NLRC3: variants seen among roughly 807,000 people sequenced by gnomAD.
The protein encoded by NLRC3 is NLR family CARD domain containing 3.
In NLRC3, 87 loss-of-function variants were observed where a neutral mutation model predicts 91.6. The observed-to-expected ratio is 0.95, with a 90% CI of 0.80 to 1.14. The LOEUF (loss-of-function observed/expected upper bound fraction) is 1.14, where lower values mean the gene tolerates loss of function less well. Ranked by LOEUF, NLRC3 falls within the 50% of genes most tolerant of loss-of-function variation. The pLI is 0.00. For synonymous variants in NLRC3, 694 were observed against 625.3 expected, an observed-to-expected ratio of 1.11 and a Z score of -1.64; for missense variants, 1,577 against 1,418.6, an observed-to-expected ratio of 1.11 and a Z score of -1.79.
intron 1 of NLRC3, among the ~76,000 whole-genome samples, chr16:3,570,306 G>A (rs2040054411): frequency 6.6e-6 from 1 of 152,104 alleles, no homozygotes; most frequent in African/African-American, 2.4e-5. Flanking sequence ...TGTTAAATTA[G>A]CAAATTACTT....
At chr16:3,557,034 C>G in intron 7 of NLRC3, 40 bp from the exon 8 acceptor site, 1 of 1,396,264 alleles carries the variant, frequency 7.2e-7, no homozygotes, top group South Asian at 1.2e-5. Flanking sequence ...TCATCTGTCT[C>G]CCAGAGAGGG....
Position 3,548,170 on chromosome 16 carries a change from T to C in NLRC3, c.2736A>G (p.Gln912=). The part of the protein sequence containing the change: ...IQAGAAQALG[Q]ALQLNRSLTS... ...TGAGGCTCCTGTTGAGCTGTAGTGC[T>C]TGTCCCAGGGCCTGGGCAGCGCCGG... Residue 912 remains glutamine, a synonymous_variant, in exon 15 of 20, where the codon CAA becomes CAG. Coordinates refer to ENST00000359128, the MANE Select transcript of NLRC3 (RefSeq NM_178844.4). 2 of 1,595,794 alleles carry C rather than the reference T, an allele frequency of 1.3e-6. No individual in the cohort carries two copies. The highest frequency in any genetic ancestry group is 1.7e-6 in the Non-Finnish European group (2 of 1,171,200).
intron 1 of NLRC3, among the ~76,000 whole-genome samples, chr16:3,570,226 C>T (rs1368440907): frequency 6.6e-6 from 1 of 152,126 alleles, no homozygotes; most frequent in African/African-American, 2.4e-5. Flanking sequence ...CCACCTCAGC[C>T]TCCCAAAGTG....
chr16:3,549,277 G>A lies in NLRC3; in HGVS notation c.2520-52C>T, dbSNP rs576991852. On this transcript the variant is annotated intron_variant, in intron 12 of 19. Coordinates refer to ENST00000359128, the MANE Select transcript of NLRC3 (RefSeq NM_178844.4). ...TCTGACCGGGCAGATGAGGTGTCTGGCAAAGCCAAGCCCAGGTGTTTAGGC... is the reference window on the plus strand; with the variant it reads ...TCTGACCGGGCAGATGAGGTGTCTGACAAAGCCAAGCCCAGGTGTTTAGGC... 3.0e-6 allele frequency: 4 copies of A among 1,319,480 alleles called. No individual in the cohort carries two copies. In the South Asian group the frequency reaches 3.8e-5, roughly 12 times the overall value. 81.7% of individuals were successfully genotyped at this position (1,319,480 alleles called of 1,614,324 possible). A position where few individuals can be genotyped will look rare whatever the true frequency, so the allele number is the denominator to read the frequency against.
intron 14 of NLRC3, 93 bp from the exon 15 acceptor site, chr16:3,548,311 C>A: frequency 1.0e-6 from 1 of 974,890 alleles, no homozygotes; most frequent in Middle Eastern, 2.0e-4. Flanking sequence ...GAGGTGGAAT[C>A]CCTGCAGGAT....
Position 3,563,678 on chromosome 16 carries a change from A to C in NLRC3, c.1259T>G (p.Met420Arg). The part of the protein sequence containing the change: ...KKKYVFYEQD[M>R]KAFGVDLALL... ...AGCGAGGTCTACACCAAACGCCTTC[A>C]TGTCTTGCTCGTAAAACACGTATTT... is the stretch of plus-strand genomic sequence containing the variant. The change falls in exon 5 of 20, where the codon ATG becomes AGG. Residue 420 changes from methionine to arginine, a missense_variant. Coordinates refer to ENST00000359128, the MANE Select transcript of NLRC3 (RefSeq NM_178844.4). 1 of 1,613,776 alleles carries C rather than the reference A, an allele frequency of 6.2e-7. No homozygotes were observed. Among genetic ancestry groups the C allele is most frequent in the Non-Finnish European group, 8.5e-7 (1 of 1,179,886 alleles).
chr16:3,571,151 T>C (rs769075998), intron 1 of NLRC3, among the ~76,000 whole-genome samples: 4 of 152,096 alleles, frequency 2.6e-5, no homozygotes, highest in African/African-American at 9.7e-5. Flanking sequence ...GAAAATGGCA[T>C]TGGGGCAATT....
In NLRC3 at chr16:3,539,601, T is replaced by C. The variant is rs1244626830; in HGVS notation, c.*2224A>G. Reference sequence around the variant, plus strand: ...GCAACTCTGTGTTCTGCCAGTCTCTTAACTCAGACAGAAACAATGCAAACC... The same window carrying C: ...GCAACTCTGTGTTCTGCCAGTCTCTCAACTCAGACAGAAACAATGCAAACC... On this transcript the variant is annotated 3_prime_UTR_variant, in exon 20 of 20. Coordinates refer to ENST00000359128, the MANE Select transcript of NLRC3 (RefSeq NM_178844.4). 6.6e-6 allele frequency: 1 copy of C among 152,230 alleles called. No homozygotes were observed. Among genetic ancestry groups the C allele is most frequent in the Admixed American group, 6.5e-5 (1 of 15,282 alleles). 9.4% of individuals were successfully genotyped at this position (152,230 alleles called of 1,614,324 possible).
Position 3,563,182 on chromosome 16 carries a change from C to T in NLRC3, c.1755G>A (p.Glu585=), listed in dbSNP as rs773549193. 24 of 1,593,382 alleles carry T rather than the reference C, an allele frequency of 1.5e-5. No homozygotes were observed. Among genetic ancestry groups the T allele is most frequent in the East Asian group, 4.5e-5 (2 of 44,094 alleles). The change falls in exon 5 of 20, where the codon GAG becomes GAA. Residue 585 remains glutamate, a synonymous_variant. Coordinates refer to ENST00000359128, the MANE Select transcript of NLRC3 (RefSeq NM_178844.4). The stretch of plus-strand genomic sequence containing the variant: ...TGGCCAGGGCCCCGCTCTCCATGGC[C>T]TCCTCCACGCTGCGGGCCAGCTCGG... ...QHTELARSVE[E]AMESGALARL... is the part of the protein sequence containing the mutation.
intron 6 of NLRC3, among the ~76,000 whole-genome samples, chr16:3,558,534 T>A (rs1305488294): frequency 6.6e-6 from 1 of 151,528 alleles, no homozygotes; most frequent in Non-Finnish European, 1.5e-5. Context: ...TAGTGCAAAA[T>A]GGCAAATGGT....
In NLRC3 at chr16:3,542,207, T is replaced by C. The variant is rs1229092805; in HGVS notation, c.3091A>G (p.Arg1031Gly). 3.2e-6 allele frequency: 5 copies of C among 1,587,142 alleles called. No individual in the cohort carries two copies. In the East Asian group the frequency reaches 1.1e-4, roughly 36 times the overall value. ...TGCACTCACTTGATATGCTGGAGCC[T>C]GTGGTTTCCAGACAGTGCTGTGGCA... The part of the protein sequence containing the change: ...CIATALSGNH[R>G]LQHINLQGNH... Residue 1031 changes from arginine (R) to glycine (G), a missense_variant, in exon 19 of 20, where the codon AGG becomes GGG. By Grantham distance (125) the Arg-to-Gly change is moderately radical. Transcript: ENST00000359128.
intron 8 of NLRC3, chr16:3,556,010 A>G (rs1166651973): frequency 6.6e-6 from 1 of 150,902 alleles, no homozygotes; most frequent in Non-Finnish European, 1.5e-5. Flanking sequence ...TCAGCTAAGT[A>G]TAGATATAAC....
rs755961671 is a variant in NLRC3, at chr16:3,550,457, G to A, written c.2392C>T (p.Leu798=). 15 of 1,613,620 alleles carry A rather than the reference G, an allele frequency of 9.3e-6. No homozygotes were observed. Among genetic ancestry groups the A allele is most frequent in the Non-Finnish European group, 1.3e-5 (15 of 1,179,538 alleles). ...TGGTTCACCTTCAGGGCCTCAGCCA[G>A]GGCCTTGGCACCTCCATCACCAATA... ...NSIGDGGAKA[L]AEALKVNQGL... Residue 798 remains leucine (L), a synonymous_variant, in exon 11 of 20, where the codon CTG becomes TTG. Transcript: ENST00000359128.
chr16:3,576,125 CCTGTGAT>C (rs1231932352), intron 1 of NLRC3, among the ~76,000 whole-genome samples: 5 of 152,184 alleles, frequency 3.3e-5, no homozygotes, highest in Non-Finnish European at 7.4e-5. Flanking sequence ...CAGCCTGCAG[CCTGTGAT>C]GGCCAACAGT....
intron 5 of NLRC3, 34 bp from the exon 6 acceptor site, chr16:3,561,822 A>C (rs1596474965): frequency 6.5e-7 from 1 of 1,542,444 alleles, no homozygotes; most frequent in Non-Finnish European, 9.0e-7. Flanking sequence ...TGAGTGTCCC[A>C]CCCGCCCACG....
chr16:3,546,077 G>A (rs1010541651), intron 15 of NLRC3, among the ~76,000 whole-genome samples: 4 of 152,160 alleles, frequency 2.6e-5, no homozygotes, highest in Admixed American at 6.5e-5. Context: ...AGAGGGGACC[G>A]ACCCAACAGG....
Position 3,541,681 on chromosome 16 carries a change from CCT to C in NLRC3, c.*142_*143del, listed in dbSNP as rs1306150198. On this transcript the variant is annotated 3_prime_UTR_variant, in exon 20 of 20. Transcript: ENST00000359128. ...GAGCTCACGACCTCCTCCGGCAGCA[CCT>C]CTCCTTCCTCCCTGCAGAGCCCGGC... 3.2e-6 allele frequency: 2 copies of C among 632,372 alleles called. No individual in the cohort carries two copies. The highest frequency in any genetic ancestry group is 5.6e-6 in the Non-Finnish European group (2 of 354,374). 39.2% of individuals were successfully genotyped at this position (632,372 alleles called of 1,614,324 possible). A position where few individuals can be genotyped will look rare whatever the true frequency, so the allele number is the denominator to read the frequency against.
intron 6 of NLRC3, among the ~76,000 whole-genome samples, chr16:3,560,011 G>T (rs2039534491): frequency 6.6e-6 from 1 of 151,964 alleles, no homozygotes; most frequent in African/African-American, 2.4e-5. Flanking sequence ...CTCACACAGA[G>T]CCTACACCTC....
At position 3,552,795 on chromosome 16, in the gene NLRC3, C is replaced by T. The variant is rs141594657; in HGVS notation, c.2268-516G>A. ...TCTCTACTAAAAATAAAAAAATTAG[C>T]GGGGCGTGGTGGCATACACCTGTAA... is the stretch of plus-strand genomic sequence containing the variant. On this transcript the variant is annotated intron_variant, in intron 9 of 19. Coordinates refer to ENST00000359128, the MANE Select transcript of NLRC3 (RefSeq NM_178844.4). 7.5e-3 allele frequency among the ~76,000 whole-genome samples: 1,143 copies of T among 152,250 alleles called. 13 individuals carry two copies. Among genetic ancestry groups the T allele is most frequent in the African/African-American group, 0.022 (917 of 41,558 alleles).
Sources: gnomAD v4.1 joint callset for allele counts (sites outside exome capture counted in the v4.1 genomes callset) on GRCh38, gnomAD v4.1.1 for gene constraint, MANE v1.5 for transcripts, NCBI Gene and HGNC (gene_info 2026-07-23, HGNC 2026-07-21) for gene names.